The following TTC22 variants were observed in gnomAD, a reference collection of about 807,000 sequenced individuals.
The protein encoded by TTC22 is tetratricopeptide repeat protein 22.
TTC22 carries 42 observed loss-of-function variants against 48.2 expected under a neutral mutation model. The ratio of observed to expected loss-of-function variants is 0.87; its 90% CI spans 0.68 to 1.13. TTC22 has a LOEUF of 1.13. TTC22 is among the 50% of genes most tolerant of loss of function. The pLI is 0.00. For synonymous variants in TTC22, 345 were observed against 365.5 expected (o/e 0.94, Z 0.64); for missense variants, 784 against 807.0 (o/e 0.97, Z 0.34).
Position 54,800,925 on chromosome 1 carries a change from T to G in TTC22, c.239A>C (p.Glu80Ala). The G allele has an allele frequency of 6.2e-7, 1 of 1,609,388 alleles. No homozygotes were observed. ...HLLGAFAFYLEELDEARECFL... is the reference protein window; with the variant it reads ...HLLGAFAFYLAELDEARECFL... ...GCACTCGCGGGCCTCGTCCAGCTCC[T>G]CCAGGTAGAATGCGAAAGCGCCCAG... Residue 80 changes from glutamate to alanine, a missense_variant, in exon 1 of 7, where the codon GAG becomes GCG. Glu to Ala is a moderately radical substitution (Grantham distance 107, BLOSUM62 -1). Coordinates refer to ENST00000371276, the MANE Select transcript of TTC22 (RefSeq NM_001114108.2).
chr1:54,787,249 G>C, intron 3 of TTC22, 174 bp from the exon 4 acceptor site: 1 of 545,982 alleles, frequency 1.8e-6, no homozygotes, highest in South Asian at 2.5e-5. Flanking sequence ...GGCCATGTGA[G>C]GGGTTAGTGA....
At position 54,781,074 on chromosome 1, in the gene TTC22, T is replaced by G; in HGVS notation, c.*169A>C. The G allele has an allele frequency of 2.1e-6, 1 of 466,584 alleles. No homozygotes were observed. Among genetic ancestry groups the G allele is most frequent in the Non-Finnish European group, 3.6e-6 (1 of 278,852 alleles). 28.9% of individuals were successfully genotyped at this position (466,584 alleles called of 1,614,324 possible). A position where few individuals can be genotyped will look rare whatever the true frequency, so the allele number is the denominator to read the frequency against. ...AGGCCTTCCAGTCTGGGTGGGCGTT[T>G]CAAACCGCGCGGGTGTCGCAACATC... On this transcript the variant is annotated 3_prime_UTR_variant, in exon 7 of 7. Coordinates refer to ENST00000371276, the MANE Select transcript of TTC22 (RefSeq NM_001114108.2).
chr1:54,788,538 C>G (rs909063547), intron 1 of TTC22, among the ~76,000 whole-genome samples: 1 of 152,226 alleles, frequency 6.6e-6, no homozygotes, highest in Admixed American at 6.5e-5. Context: ...CCCCCCTGAA[C>G]TGTTTTGCCA....
chr1:54,786,003 C>G lies in TTC22; in HGVS notation c.1000G>C (p.Ala334Pro). Residue 334 changes from alanine to proline, a missense_variant, in exon 5 of 7, where the codon GCG becomes CCG. Transcript: ENST00000371276. ...CCCACCTTGGCCCTTGTGCAGTACG[C>G]CTGCCAGTTGAGTTCTGGATCTCGT... ...VLRDPELNWQ[A>P]YCTRAKIHIR... 1 of 1,613,926 alleles carries G rather than the reference C, an allele frequency of 6.2e-7. No individual in the cohort carries two copies. Among genetic ancestry groups the G allele is most frequent in the East Asian group, 2.2e-5 (1 of 44,864 alleles).
In TTC22 at chr1:54,781,395, C is replaced by T. The variant is rs1646260693; in HGVS notation, c.1558G>A (p.Val520Met). 2 of 1,385,702 alleles carry T rather than the reference C, an allele frequency of 1.4e-6. No individual in the cohort carries two copies. The highest frequency in any genetic ancestry group is 3.2e-5 in the South Asian group (2 of 62,414). 85.8% of individuals were successfully genotyped at this position (1,385,702 alleles called of 1,614,324 possible). A position where few individuals can be genotyped will look rare whatever the true frequency, so the allele number is the denominator to read the frequency against. The change falls in exon 7 of 7, where the codon GTG becomes ATG. Residue 520 changes from valine (V) to methionine (M), a missense_variant. Transcript: ENST00000371276. ...AARLRQELQR[V>M]WRGHTDEVLG... ...ACCTCGTCCGTGTGCCCGCGCCACA[C>T]GCGCTGCAGCTCCTGGCGCAGGCGC...
chr1:54,796,580 A>T (rs1226946259), intron 1 of TTC22, among the ~76,000 whole-genome samples: 3 of 152,232 alleles, frequency 2.0e-5, no homozygotes, highest in African/African-American at 7.2e-5. Flanking sequence ...GGTTCCTGTC[A>T]TTACTCAGGG....
At chr1:54,796,547 T>C (rs1336014189) in intron 1 of TTC22, among the ~76,000 whole-genome samples, 1 of 152,234 alleles carries the variant, frequency 6.6e-6, no homozygotes, top group African/African-American at 2.4e-5. Context: ...CAGTGCCCGG[T>C]GCACAGACAC....
intron 1 of TTC22, among the ~76,000 whole-genome samples, chr1:54,795,854 A>G (rs376830935): frequency 2.4e-4 from 37 of 152,304 alleles, no homozygotes; most frequent in African/African-American, 8.7e-4. Context: ...AAAGGTGAGC[A>G]CCCCAAGACC....
chr1:54,786,173 C>G lies in TTC22; in HGVS notation c.859-29G>C, dbSNP rs529636576. 9.3e-6 allele frequency: 15 copies of G among 1,609,686 alleles called. No homozygotes were observed. In the East Asian group the frequency reaches 1.3e-4, roughly 14 times the overall value. On this transcript the variant is annotated intron_variant, in intron 4 of 6. Coordinates refer to ENST00000371276, the MANE Select transcript of TTC22 (RefSeq NM_001114108.2). ...GGTAAGGGAGGAGTGCAAAAACAAA[C>G]CACTTGCTTGGTCATTAGCCAGAGC... is the stretch of plus-strand genomic sequence containing the variant.
Position 54,783,420 on chromosome 1 carries a change from A to G in TTC22, c.1021-943T>C, listed in dbSNP as rs149345318. Among the ~76,000 whole-genome samples, 18 of 152,332 alleles carry G rather than the reference A, an allele frequency of 1.2e-4. No individual in the cohort carries two copies. The East Asian group carries it at 3.3e-3, about 28-fold the overall frequency. Reference sequence around the variant, plus strand: ...TGAATATCTTCCTTGGGGAATTACCATGATGTCTGAAAGAACATATTCTAG... The same window carrying G: ...TGAATATCTTCCTTGGGGAATTACCGTGATGTCTGAAAGAACATATTCTAG... On this transcript the variant is annotated intron_variant, in intron 5 of 6. Coordinates refer to ENST00000371276, the MANE Select transcript of TTC22 (RefSeq NM_001114108.2).
chr1:54,795,501 C>T (rs1350448830), intron 1 of TTC22, among the ~76,000 whole-genome samples: 1 of 152,154 alleles, frequency 6.6e-6, no homozygotes, highest in Non-Finnish European at 1.5e-5. Flanking sequence ...AGCCACTTCT[C>T]TGTTTCATTG....
At chr1:54,797,478 G>A (rs553680582) in intron 1 of TTC22, among the ~76,000 whole-genome samples, 1 of 152,286 alleles carries the variant, frequency 6.6e-6, no homozygotes, top group East Asian at 1.9e-4. Context: ...GTGAAACCCA[G>A]TCTCTACAAA....
intron 1 of TTC22, among the ~76,000 whole-genome samples, chr1:54,791,432 G>A (rs1021230252): frequency 3.3e-5 from 5 of 152,222 alleles, no homozygotes; most frequent in Admixed American, 2.6e-4. Flanking sequence ...ATCTGCAAAG[G>A]AGGATAATCA....
In TTC22 at chr1:54,801,270, C is replaced by G. The variant is rs1448294496; in HGVS notation, c.-107G>C. On this transcript the variant is annotated 5_prime_UTR_variant, in exon 1 of 7. Transcript: ENST00000371276. ...CTCCGTGCGGGAGGCGAGGGGCAGC[C>G]GGCAGAGGCCCCGGGCGCTGCGGCC... is the stretch of plus-strand genomic sequence containing the variant. 4.8e-5 allele frequency: 55 copies of G among 1,137,782 alleles called. No individual in the cohort carries two copies. The highest frequency in any genetic ancestry group is 3.9e-4 in the South Asian group (27 of 69,792). The allele number at this position is 1,137,782 out of a possible 1,614,324, so 70.5% of individuals were successfully genotyped here.
chr1:54,785,571 G>A (rs1231988562), intron 5 of TTC22: 1 of 451,970 alleles, frequency 2.2e-6, no homozygotes, highest in Non-Finnish European at 4.4e-6. Context: ...CAGCACTTTG[G>A]GAGGTCGAGG....
intron 1 of TTC22, among the ~76,000 whole-genome samples, chr1:54,789,924 C>T (rs1291702035): frequency 6.6e-6 from 1 of 152,194 alleles, no homozygotes; most frequent in African/African-American, 2.4e-5. Flanking sequence ...GAAGAGCGAG[C>T]AAGGCATGCT....
chr1:54,788,223 A>C, intron 1 of TTC22, 126 bp from the exon 2 acceptor site: 1 of 856,560 alleles, frequency 1.2e-6, no homozygotes, highest in Non-Finnish European at 1.9e-6. Context: ...GACCTTAAAC[A>C]CCTTTGATTA....
intron 5 of TTC22, chr1:54,784,944 TCAAGAGAC>T: frequency 9.1e-6 from 3 of 328,302 alleles, no homozygotes; most frequent in Non-Finnish European, 1.1e-5. Flanking sequence ...GTGGACTGCA[TCAAGAGAC>T]AGTGAGATAA....
At chr1:54,785,278 C>T in intron 5 of TTC22, 1 of 272,312 alleles carries the variant, frequency 3.7e-6, no homozygotes. Flanking sequence ...GATGCTACCT[C>T]ACTGTGTCTG....
Sources: allele counts gnomAD v4.1 joint callset (sites outside exome capture counted in the v4.1 genomes callset), GRCh38; gene constraint gnomAD v4.1.1; transcripts MANE v1.5; gene names NCBI Gene and HGNC (gene_info 2026-07-23, HGNC 2026-07-21).